RANBP2: variants seen among roughly 807,000 people sequenced by gnomAD.
RANBP2 encodes RAN binding protein 2, also known as E3 SUMO-protein ligase RanBP2.
In RANBP2, 57 loss-of-function variants were observed where a neutral mutation model predicts 303.6. The ratio of observed to expected loss-of-function variants is 0.19; its 90% CI spans 0.15 to 0.23. RANBP2 has a LOEUF of 0.23. Ranked by LOEUF, RANBP2 falls within the 10% of genes least tolerant of loss-of-function variation. The pLI is 1.00. For synonymous variants in RANBP2, 1,167 were observed against 1,301.5 expected, an observed-to-expected ratio of 0.90 and a Z score of 2.23; for missense variants, 3,138 against 3,780.8, an observed-to-expected ratio of 0.83 and a Z score of 4.46.
the RANBP2 span, among the ~76,000 whole-genome samples, chr2:109,114,012 TG>T: frequency 6.6e-6 from 1 of 152,250 alleles, no homozygotes; most frequent in African/African-American, 2.4e-5. Context: ...ATAAACTTTT[TG>T]ATGTGCTGCT....
the RANBP2 span, among the ~76,000 whole-genome samples, chr2:108,965,205 C>T: frequency 4.3e-4 from 66 of 152,170 alleles, no homozygotes; most frequent in South Asian, 4.4e-3. Flanking sequence ...GGGCCAGGCG[C>T]GGTGGCTCAC....
the RANBP2 span, among the ~76,000 whole-genome samples, chr2:109,400,509 C>A: frequency 1.3e-5 from 2 of 151,868 alleles, no homozygotes; most frequent in Admixed American, 6.6e-5. Context: ...ACACATACAC[C>A]CCTCCAGGTG....
the RANBP2 span, among the ~76,000 whole-genome samples, chr2:108,955,553 G>A: frequency 1.5e-4 from 22 of 151,384 alleles, no homozygotes; most frequent in Admixed American, 1.4e-3. Flanking sequence ...TTTGAGACCT[G>A]CCTGGCCAAC....
At chr2:109,112,257 A>T in the RANBP2 span, among the ~76,000 whole-genome samples, 2 of 152,114 alleles carry the variant, frequency 1.3e-5, no homozygotes, top group Non-Finnish European at 2.9e-5. Flanking sequence ...CCACAGTGTA[A>T]AAGTGTTCCT....
the RANBP2 span, among the ~76,000 whole-genome samples, chr2:109,561,059 G>A: frequency 6.6e-6 from 1 of 150,848 alleles, no homozygotes; most frequent in African/African-American, 2.5e-5. Context: ...TCCTAAAATA[G>A]CGTTGCCTTC....
chr2:109,718,992 G>C, the RANBP2 span, among the ~76,000 whole-genome samples: 1 of 115,744 alleles, frequency 8.6e-6, no homozygotes, highest in African/African-American at 3.3e-5. Flanking sequence ...CCTGGCAACA[G>C]AGTGAGACTC....
At chr2:109,079,909 G>A in the RANBP2 span, among the ~76,000 whole-genome samples, 2 of 152,220 alleles carry the variant, frequency 1.3e-5, no homozygotes, top group African/African-American at 4.8e-5. Flanking sequence ...GAGGCAGGAC[G>A]GGGCTACACG....
chr2:108,978,350 G>C, the RANBP2 span, among the ~76,000 whole-genome samples: 1,281 of 152,198 alleles, frequency 8.4e-3, 12 homozygotes, highest in Non-Finnish European at 0.012. Flanking sequence ...ATCTTATTAG[G>C]TGGCCAGGTC....
chr2:109,498,983 G>A, the RANBP2 span, among the ~76,000 whole-genome samples: 1 of 152,198 alleles, frequency 6.6e-6, no homozygotes, highest in East Asian at 1.9e-4. Context: ...AGTGTGGAGG[G>A]CCTGGGAATG....
the RANBP2 span, chr2:109,251,641 C>CG: frequency 1.0e-5 from 14 of 1,372,190 alleles, no homozygotes; most frequent in Non-Finnish European, 1.0e-5. Context: ...AGCCTTGGAA[C>CG]GAGTATAAAT....
the RANBP2 span, among the ~76,000 whole-genome samples, chr2:109,725,022 T>G: frequency 6.6e-6 from 1 of 152,166 alleles, no homozygotes. Flanking sequence ...GCTGGCACCT[T>G]GGTGGCAGTG....
At chr2:109,614,039 T>C in the RANBP2 span, 32 of 1,208,884 alleles carry the variant, frequency 2.6e-5, no homozygotes, top group Middle Eastern at 3.3e-4. Context: ...GCGCTGAGCG[T>C]TTTGCCTGCG....
chr2:109,525,737 C>T, the RANBP2 span, among the ~76,000 whole-genome samples: 1 of 152,286 alleles, frequency 6.6e-6, no homozygotes, highest in African/African-American at 2.4e-5. Context: ...GGCCACTGTC[C>T]TTACTAGCAA....
At chr2:109,159,115 T>A in the RANBP2 span, among the ~76,000 whole-genome samples, 1,004 of 144,898 alleles carry the variant, frequency 6.9e-3, 10 homozygotes, top group African/African-American at 0.023. Context: ...AGATTCGGTC[T>A]CAAAACAAAG....
the RANBP2 span, among the ~76,000 whole-genome samples, chr2:109,064,387 C>T: frequency 2.4e-4 from 31 of 127,476 alleles, no homozygotes; most frequent in South Asian, 7.8e-3. Flanking sequence ...ACCCGGGAGG[C>T]GGAGTTTGCA....
chr2:108,753,815 A>C lies in RANBP2; in HGVS notation c.2056-10A>C, dbSNP rs539183099. 2.5e-6 allele frequency: 4 copies of C among 1,611,952 alleles called. No individual in the cohort carries two copies. The highest frequency in any genetic ancestry group is 2.2e-5 in the South Asian group (2 of 90,992). On this transcript the variant is annotated splice_polypyrimidine_tract_variant and intron_variant, in intron 14 of 28. Coordinates refer to ENST00000283195, the MANE Select transcript of RANBP2 (RefSeq NM_006267.5). Reference sequence around the variant, plus strand: ...AACCTAATGATTTCATAAAAGCACTATTTGTATAGATTTTTCACAGGAAGG... The same window carrying C: ...AACCTAATGATTTCATAAAAGCACTCTTTGTATAGATTTTTCACAGGAAGG...
chr2:108,778,133 A>T (rs1308543799), intron 25 of RANBP2, among the ~76,000 whole-genome samples: 1 of 152,224 alleles, frequency 6.6e-6, no homozygotes, highest in African/African-American at 2.4e-5. Context: ...ACACAAAAAA[A>T]ATCCCAAAAA....
the RANBP2 span, among the ~76,000 whole-genome samples, chr2:109,560,031 C>T: frequency 1.3e-5 from 2 of 151,494 alleles, no homozygotes; most frequent in African/African-American, 4.9e-5. Flanking sequence ...CGCCATTCTC[C>T]TGCCTCAGCC....
the RANBP2 span, among the ~76,000 whole-genome samples, chr2:109,078,172 GTA>G: frequency 0.01 from 1,037 of 100,396 alleles, 135 homozygotes; most frequent in East Asian, 0.02. Flanking sequence ...TATATAGCGT[GTA>G]TATATATAGC....
Sources: allele counts gnomAD v4.1 joint callset (sites outside exome capture counted in the v4.1 genomes callset), GRCh38; gene constraint gnomAD v4.1.1; transcripts MANE v1.5; gene names NCBI Gene and HGNC (gene_info 2026-07-23, HGNC 2026-07-21).